Variants in DNAH12 observed in about 807,000 individuals in gnomAD.
The protein encoded by DNAH12 is dynein axonemal heavy chain 12.
DNAH12 carries 285 observed loss-of-function variants against 371.5 expected under a neutral mutation model. That is an observed-to-expected ratio of 0.77 (90% CI 0.70 to 0.85). The LOEUF (loss-of-function observed/expected upper bound fraction) is 0.85. DNAH12 is among the 40% of genes least tolerant of loss of function. The probability of loss-of-function intolerance (pLI) is 0.00; values close to 1 mark genes in which losing one functional copy is unlikely to be tolerated. For missense variants in DNAH12, 3,611 were observed against 3,689.4 expected (o/e 0.98, Z 0.55); for synonymous variants, 1,200 against 1,213.0 (o/e 0.99, Z 0.22).
intron 30 of DNAH12, among the ~76,000 whole-genome samples, chr3:57,435,198 C>A (rs563097131): frequency 3.3e-5 from 5 of 151,834 alleles, no homozygotes; most frequent in Non-Finnish European, 5.9e-5. Flanking sequence ...ATGGCAAAAC[C>A]CTGTCTTTAC....
At chr3:57,428,456 A>C in intron 34 of DNAH12, 177 bp downstream of exon 34, 3 of 1,533,430 alleles carry the variant, frequency 2.0e-6, no homozygotes, top group Non-Finnish European at 2.6e-6. Context: ...AGCTGGAATA[A>C]TTCAACCCCT....
chr3:57,437,128 G>T, intron 29 of DNAH12, 68 bp from the exon 30 acceptor site: 1 of 997,556 alleles, frequency 1.0e-6, no homozygotes, highest in South Asian at 1.8e-5. Flanking sequence ...TCTTATAAGT[G>T]TAGATTTTAA....
At chr3:57,443,524 C>A (rs141231976) in intron 29 of DNAH12, among the ~76,000 whole-genome samples, 2 of 152,034 alleles carry the variant, frequency 1.3e-5, no homozygotes, top group Admixed American at 6.5e-5. Flanking sequence ...GTTGGAAATG[C>A]GAGTGGTTTG....
In DNAH12 at chr3:57,483,358, C is replaced by T; in HGVS notation, c.1650+18G>A. On this transcript the variant is annotated intron_variant, in intron 13 of 73. Coordinates refer to ENST00000495027, the MANE Select transcript of DNAH12 (RefSeq NM_001366028.2). ...CACAATGAAAACAAACCAAAATATG[C>T]AAATTAAAATTCCTTACCTGGATCC... The T allele has an allele frequency of 6.5e-7, 1 of 1,539,920 alleles. No homozygotes were observed. Among genetic ancestry groups the T allele is most frequent in the Non-Finnish European group, 8.7e-7 (1 of 1,144,326 alleles).
intron 13 of DNAH12, 141 bp downstream of exon 13, chr3:57,483,235 C>T: frequency 1.1e-6 from 1 of 935,386 alleles, no homozygotes; most frequent in Non-Finnish European, 1.6e-6. Context: ...CTGACAATAT[C>T]CTATTTCTTG....
rs377596693 is a variant in DNAH12 at position 57,481,874 on chromosome 3, C to A, written c.1650+1502G>T. On this transcript the variant is annotated intron_variant, in intron 13 of 73. Transcript: ENST00000495027. ...GGGAAAACTGGCTAGCCATATGTAG[C>A]AAGCTGAAACTGGATCCCTTCCTTA... 7.7e-4 allele frequency among the ~76,000 whole-genome samples: 117 copies of A among 152,036 alleles called. 1 individual carries two copies. The highest frequency in any genetic ancestry group is 1.4e-3 in the Admixed American group (22 of 15,250).
intron 59 of DNAH12, among the ~76,000 whole-genome samples, 173 bp downstream of exon 59, chr3:57,357,003 A>G (rs939014697): frequency 1.3e-4 from 20 of 152,208 alleles, no homozygotes; most frequent in Middle Eastern, 3.4e-3. Flanking sequence ...TCAGCCTCCC[A>G]AAGTGCTGAG....
chr3:57,371,162 A>G (rs1402984346), intron 55 of DNAH12, among the ~76,000 whole-genome samples: 1 of 152,178 alleles, frequency 6.6e-6, no homozygotes, highest in Non-Finnish European at 1.5e-5. Context: ...TGGAAGAAGC[A>G]AAGGCAACAC....
intron 40 of DNAH12, among the ~76,000 whole-genome samples, chr3:57,406,549 AGTT>A (rs1427750087): frequency 6.6e-6 from 1 of 152,110 alleles, no homozygotes; most frequent in Non-Finnish European, 1.5e-5. Flanking sequence ...TTTATTTCCC[AGTT>A]ATTATGGTTA....
At chr3:57,363,185 C>T (rs1203181464) in intron 58 of DNAH12, among the ~76,000 whole-genome samples, 1 of 152,028 alleles carries the variant, frequency 6.6e-6, no homozygotes, top group Non-Finnish European at 1.5e-5. Flanking sequence ...GGAAAGGATT[C>T]CCTATTTAAT....
chr3:57,480,248 G>A (rs9683145), intron 13 of DNAH12, among the ~76,000 whole-genome samples: 10,700 of 152,036 alleles, frequency 0.07, 1,286 homozygotes, highest in African/African-American at 0.24. Flanking sequence ...TGTCACCACC[G>A]ATCCCACAGA....
At chr3:57,503,306 G>A (rs138794147) in intron 9 of DNAH12, among the ~76,000 whole-genome samples, 2 of 151,756 alleles carry the variant, frequency 1.3e-5, no homozygotes, top group Non-Finnish European at 2.9e-5. Context: ...AGTTGGGTTA[G>A]TTTTCTATCA....
rs190356423 is a variant in DNAH12, at chr3:57,428,055, A to G, written c.5253+578T>C. On this transcript the variant is annotated intron_variant, in intron 34 of 73. Coordinates refer to ENST00000495027, the MANE Select transcript of DNAH12 (RefSeq NM_001366028.2). ...GTGATTCTCCTGCCTCAGCCTCCCG[A>G]GTAGCTGGGATTACAGGCATGTACC... 2.5e-3 allele frequency among the ~76,000 whole-genome samples: 380 copies of G among 151,828 alleles called. 3 individuals carry two copies. Among genetic ancestry groups the G allele is most frequent in the African/African-American group, 8.9e-3 (368 of 41,374 alleles).
rs192705137 is a variant in DNAH12 at position 57,340,693 on chromosome 3, G to T, written c.9675-5753C>A. 2.0e-5 allele frequency among the ~76,000 whole-genome samples: 3 copies of T among 152,268 alleles called. No individual in the cohort carries two copies. In the East Asian group the frequency reaches 5.8e-4, roughly 29 times the overall value. On this transcript the variant is annotated intron_variant, in intron 60 of 73. Coordinates refer to ENST00000495027, the MANE Select transcript of DNAH12 (RefSeq NM_001366028.2). The stretch of plus-strand genomic sequence containing the variant: ...ATCAAGAAAGAAAAGTCCAGGACCA[G>T]ATGTCTTCACTGCTGAATTCTACCA...
Position 57,502,406 on chromosome 3 carries a change from T to C in DNAH12, c.1160A>G (p.His387Arg). The stretch of plus-strand genomic sequence containing the variant: ...TGTATCAACAGCCCAGTGTAACACG[T>C]GTTCAGGAAGTTCTGTGTCAAGATT... ...PVNLDTELPE[H>R]VLHWAVDTLK... The change falls in exon 10 of 74, where the codon CAC (histidine) becomes CGC (arginine). Residue 387 changes from histidine (H) to arginine (R), a missense_variant. Around this residue, in one of 3 missense-constraint regions of DNAH12, gnomAD observed 1,314 missense variants for 1,398.7 expected, o/e 0.94. Coordinates refer to ENST00000495027, the MANE Select transcript of DNAH12 (RefSeq NM_001366028.2). 1.2e-6 allele frequency: 2 copies of C among 1,614,188 alleles called. No individual in the cohort carries two copies. The highest frequency in any genetic ancestry group is 1.7e-6 in the Non-Finnish European group (2 of 1,180,024).
intron 44 of DNAH12, among the ~76,000 whole-genome samples, chr3:57,393,660 GAAAA>G (rs1280461773): frequency 8.4e-6 from 1 of 119,730 alleles, no homozygotes; most frequent in Non-Finnish European, 1.6e-5. Flanking sequence ...AAGAAAGAAA[GAAAA>G]AGAAAAAGAA....
chr3:57,438,138 A>G (rs1052104413), intron 29 of DNAH12, among the ~76,000 whole-genome samples: 2 of 144,340 alleles, frequency 1.4e-5, no homozygotes, highest in African/African-American at 5.1e-5. Context: ...GCAAAATCCT[A>G]TCTCTACTAA....
At chr3:57,470,167 C>T (rs1432168316) in intron 16 of DNAH12, among the ~76,000 whole-genome samples, 3 of 151,818 alleles carry the variant, frequency 2.0e-5, no homozygotes, top group Non-Finnish European at 4.4e-5. Flanking sequence ...AATGTGCCGA[C>T]ATTGTAACAA....
intron 59 of DNAH12, among the ~76,000 whole-genome samples, chr3:57,356,127 G>A: frequency 6.6e-6 from 1 of 152,250 alleles, no homozygotes; most frequent in East Asian, 1.9e-4. Flanking sequence ...AGTGATTAAA[G>A]TGCAAATATC....
Sources: gnomAD v4.1 joint callset for allele counts (sites outside exome capture counted in the v4.1 genomes callset) on GRCh38, gnomAD v4.1.1 for gene constraint, gnomAD v4.1.1 regional missense constraint, MANE v1.5 for transcripts, NCBI Gene and HGNC (gene_info 2026-07-23, HGNC 2026-07-21) for gene names.